The following NRG1 variants were observed in gnomAD, a reference collection of about 807,000 sequenced individuals.
NRG1 encodes the protein pro-neuregulin-1, membrane-bound isoform.
Under a neutral mutation model 63.8 loss-of-function variants are expected in NRG1, and 18 were observed. The ratio of observed to expected loss-of-function variants is 0.28; its 90% CI spans 0.19 to 0.42. The LOEUF is 0.42. Ranked by LOEUF, NRG1 falls within the 10% of genes least tolerant of loss-of-function variation. NRG1 has a pLI of 1.00. For synonymous variants in NRG1, 302 were observed against 301.3 expected, an observed-to-expected ratio of 1.00 and a Z score of -0.02; for missense variants, 762 against 814.7, an observed-to-expected ratio of 0.94 and a Z score of 0.79.
chr8:32,756,628 C>T lies in NRG1; in HGVS notation c.921+99C>T, dbSNP rs560305375. On this transcript the variant is annotated intron_variant, in intron 9 of 11. Transcript: ENST00000356819. Reference sequence around the variant, plus strand: ...AAGCTCTTAAGCTTTTAGCTGCTGCCATTAATCACCATGGCTTCCAGGAAT... The same window carrying T: ...AAGCTCTTAAGCTTTTAGCTGCTGCTATTAATCACCATGGCTTCCAGGAAT... The T allele has an allele frequency of 1.7e-5, 24 of 1,425,816 alleles. No individual in the cohort carries two copies. In the African/African-American group the frequency reaches 2.7e-4, roughly 16 times the overall value. 88.3% of individuals were successfully genotyped at this position (1,425,816 alleles called of 1,614,324 possible). A position where few individuals can be genotyped will look rare whatever the true frequency, so the allele number is the denominator to read the frequency against.
intron 1 of NRG1, among the ~76,000 whole-genome samples, chr8:31,853,895 T>C (rs1053720257): frequency 2.6e-5 from 4 of 151,970 alleles, no homozygotes; most frequent in Non-Finnish European, 5.9e-5. Context: ...TTTGGCTCTG[T>C]TTTTATGCTG....
intron 1 of NRG1, among the ~76,000 whole-genome samples, chr8:32,091,138 C>G (rs1265176145): frequency 2.0e-5 from 3 of 152,094 alleles, no homozygotes; most frequent in African/African-American, 7.2e-5. Context: ...ATTAGCCAGG[C>G]ATAGTGGCGG....
chr8:31,821,602 A>G (rs1019038380), intron 1 of NRG1, among the ~76,000 whole-genome samples: 7 of 152,172 alleles, frequency 4.6e-5, no homozygotes, highest in African/African-American at 1.7e-4. Context: ...TGACAGTTTT[A>G]TAAACTCATG....
At chr8:32,037,120 G>T (rs541333800) in intron 1 of NRG1, among the ~76,000 whole-genome samples, 1 of 152,264 alleles carries the variant, frequency 6.6e-6, no homozygotes, top group African/African-American at 2.4e-5. Context: ...AGGTTTTTAT[G>T]GGTTCTTTTT....
intron 6 of NRG1, among the ~76,000 whole-genome samples, chr8:32,733,764 T>G (rs56074917): frequency 8.5e-5 from 13 of 152,068 alleles, no homozygotes; most frequent in African/African-American, 2.4e-4. Flanking sequence ...AGTGAATATA[T>G]GCCAAATGGT....
In NRG1 at chr8:32,051,022, G is replaced by A. The variant is rs556127122; in HGVS notation, c.37+411591G>A. ...TGGAATCGATTTCTGCGTAGGTAGAGAGTTTAATATAAAGTAGAATATGGA... is the reference window on the plus strand; with the variant it reads ...TGGAATCGATTTCTGCGTAGGTAGAAAGTTTAATATAAAGTAGAATATGGA... On this transcript the variant is annotated intron_variant, in intron 1 of 10. Transcript: ENST00000519301. Among the ~76,000 whole-genome samples, 17 of 152,216 alleles carry A rather than the reference G, an allele frequency of 1.1e-4. No homozygotes were observed. The South Asian group carries it at 3.5e-3, about 32-fold the overall frequency.
chr8:31,640,668 C>T lies in NRG1; in HGVS notation c.37+1237C>T, dbSNP rs369826756. On this transcript the variant is annotated intron_variant, in intron 1 of 10. Coordinates refer to the NRG1 transcript ENST00000519301. This position sits in a 1 kb window ranked among gnomAD's most constrained non-coding sequence, Gnocchi z 6.3. ...CGGCCGCCTTCCGAGCCTCTTTCCC[C>T]CCTCTGGAGACGGGCCGGAACCTCA... is the stretch of plus-strand genomic sequence containing the variant. 9 of 1,607,978 alleles carry T rather than the reference C, an allele frequency of 5.6e-6. No homozygotes were observed. In the Admixed American group the frequency reaches 1.0e-4, roughly 18 times the overall value.
At chr8:32,204,549 C>T (rs1843820254) in intron 1 of NRG1, among the ~76,000 whole-genome samples, 1 of 152,096 alleles carries the variant, frequency 6.6e-6, no homozygotes, top group African/African-American at 2.4e-5. Context: ...CTATAGTCCC[C>T]TCATTTGCAA....
At chr8:32,322,355 T>TTATATATATATATATATATATATATATA (rs149742517) in intron 1 of NRG1, among the ~76,000 whole-genome samples, 2 of 142,654 alleles carry the variant, frequency 1.4e-5, no homozygotes, top group African/African-American at 5.3e-5. Context: ...CAACCTTATT[T>TTATATATATATATATATATATATATATA]TATATATATA....
intron 1 of NRG1, among the ~76,000 whole-genome samples, chr8:31,731,642 A>G (rs1470424124): frequency 2.6e-5 from 4 of 152,188 alleles, no homozygotes; most frequent in South Asian, 4.1e-4. Flanking sequence ...ATATTTAAAC[A>G]GAACATAACT....
intron 1 of NRG1, among the ~76,000 whole-genome samples, chr8:31,934,334 T>TATATACATA (rs1835108745): frequency 6.6e-6 from 1 of 151,178 alleles, no homozygotes; most frequent in Non-Finnish European, 1.5e-5. Context: ...TGTGTGTGTA[T>TATATACATA]ATATACATAT....
intron 5 of NRG1, among the ~76,000 whole-genome samples, chr8:32,717,551 G>GC (rs1172752961): frequency 1.3e-5 from 2 of 152,292 alleles, no homozygotes; most frequent in East Asian, 3.9e-4. Flanking sequence ...GTGTTATGGA[G>GC]CAAGATTCAT....
chr8:31,945,323 C>G (rs1245087845), intron 1 of NRG1, among the ~76,000 whole-genome samples: 1 of 152,066 alleles, frequency 6.6e-6, no homozygotes, highest in African/African-American at 2.4e-5. Context: ...CAGAGTTTAT[C>G]GACTGTCACT....
intron 1 of NRG1, among the ~76,000 whole-genome samples, chr8:32,125,157 A>G (rs892711994): frequency 2.6e-5 from 4 of 151,868 alleles, no homozygotes; most frequent in African/African-American, 9.7e-5. Context: ...ACCAGACACC[A>G]AATGTGCTGG....
chr8:32,051,414 A>T (rs939238704), intron 1 of NRG1, among the ~76,000 whole-genome samples: 4 of 152,160 alleles, frequency 2.6e-5, no homozygotes, highest in Non-Finnish European at 5.9e-5. Flanking sequence ...GTAGTGATTA[A>T]GTCAGGGTAT....
rs574709547 is a variant in NRG1 at position 32,475,204 on chromosome 8, C to T, written c.38-120624C>T. Among the ~76,000 whole-genome samples the T allele has an allele frequency of 9.2e-5, 14 of 152,144 alleles. No homozygotes were observed. The South Asian group carries it at 2.5e-3, about 27-fold the overall frequency. On this transcript the variant is annotated intron_variant, in intron 1 of 10. Coordinates refer to the NRG1 transcript ENST00000519301. The stretch of plus-strand genomic sequence containing the variant: ...CTACTTGGCCAGGCACGCTGGCTCA[C>T]GCCTGTAATCCTAGAACTTTGGGAG...
intron 1 of NRG1, among the ~76,000 whole-genome samples, chr8:32,476,566 G>A (rs529270273): frequency 1.6e-4 from 24 of 152,294 alleles, no homozygotes; most frequent in Admixed American, 1.4e-3. Context: ...TCAAGCTCCA[G>A]AGGGTTTATA....
intron 1 of NRG1, among the ~76,000 whole-genome samples, chr8:31,785,639 A>G (rs559011671): frequency 6.6e-6 from 1 of 152,124 alleles, no homozygotes; most frequent in Non-Finnish European, 1.5e-5. Flanking sequence ...AATCCCCATC[A>G]CTTCATTTAA....
intron 1 of NRG1, among the ~76,000 whole-genome samples, chr8:32,361,125 G>A (rs999487347): frequency 2.0e-5 from 3 of 152,118 alleles, no homozygotes; most frequent in Non-Finnish European, 4.4e-5. Flanking sequence ...ATAGTAAGGG[G>A]TTCTTCAAAT....
Sources: gnomAD v4.1 joint callset for allele counts (sites outside exome capture counted in the v4.1 genomes callset) on GRCh38, gnomAD v4.1.1 for gene constraint, Gnocchi (gnomAD v3.1) non-coding constraint, MANE v1.5 for transcripts, NCBI Gene and HGNC (gene_info 2026-07-23, HGNC 2026-07-21) for gene names.